HMCN1: variants seen among roughly 807,000 people sequenced by gnomAD.
The protein encoded by HMCN1 is hemicentin 1.
Under a neutral mutation model 625.9 loss-of-function variants are expected in HMCN1, and 321 were observed. The ratio of observed to expected loss-of-function variants is 0.51; its 90% CI spans 0.47 to 0.56. The LOEUF is 0.56. HMCN1 is among the 20% of genes least tolerant of loss of function. The pLI is 0.00. For synonymous variants in HMCN1, 2,425 were observed against 2,417.6 expected (o/e 1.00, Z -0.09); for missense variants, 6,588 against 6,887.3 (o/e 0.96, Z 1.54).
chr1:186,047,884 TTC>T (rs1656679430), intron 41 of HMCN1, among the ~76,000 whole-genome samples: 1 of 152,262 alleles, frequency 6.6e-6, no homozygotes, highest in South Asian at 2.1e-4. Flanking sequence ...ATTGACTGGC[TTC>T]TGTGTACCCC....
chr1:185,991,697 GTTTA>G (rs1037515080), intron 22 of HMCN1, among the ~76,000 whole-genome samples: 13 of 148,008 alleles, frequency 8.8e-5, no homozygotes, highest in African/African-American at 2.3e-4. Context: ...ATTCTGGTTT[GTTTA>G]TTCTTTTTTT....
chr1:186,130,060 C>A lies in HMCN1; in HGVS notation c.12999C>A (p.Ser4333Arg). Residue 4333 changes from serine (S) to arginine (R), a missense_variant, in exon 84 of 107, where the codon AGC (serine) becomes AGA (arginine). Ser to Arg is a moderately radical substitution (Grantham distance 110). Around this residue, in one of 3 missense-constraint regions of HMCN1, gnomAD observed 1,954 missense variants for 2,013.1 expected, o/e 0.97. Coordinates refer to ENST00000271588, the MANE Select transcript of HMCN1 (RefSeq NM_031935.3). ...SGTYVCTAEN[S>R]VGFVKAIGFV... The stretch of plus-strand genomic sequence containing the variant: ...CTTATGTGTGCACCGCAGAGAACAG[C>A]GTTGGCTTTGTGAAGGCAATTGGAT... The A allele has an allele frequency of 6.2e-7, 1 of 1,613,196 alleles. No homozygotes were observed. The highest frequency in any genetic ancestry group is 8.5e-7 in the Non-Finnish European group (1 of 1,179,408).
chr1:185,980,964 G>A lies in HMCN1; in HGVS notation c.2567-14G>A, dbSNP rs199647060. Reference sequence around the variant, plus strand: ...TAGATGGTATTGGATGAGTAAATGAGTTCTTCCTTTTAGACTTATGGGCAA... The same window carrying A: ...TAGATGGTATTGGATGAGTAAATGAATTCTTCCTTTTAGACTTATGGGCAA... On this transcript the variant is annotated splice_polypyrimidine_tract_variant and intron_variant, in intron 16 of 106. Transcript: ENST00000271588. The A allele has an allele frequency of 5.6e-5, 84 of 1,494,092 alleles. 1 individual carries two copies. Among genetic ancestry groups the A allele is most frequent in the South Asian group, 1.1e-4 (10 of 88,666 alleles). The allele number at this position is 1,494,092 out of a possible 1,614,324, so 92.6% of individuals were successfully genotyped here. A position where few individuals can be genotyped will look rare whatever the true frequency, so the allele number is the denominator to read the frequency against.
At chr1:185,839,775 A>G (rs1166196989) in intron 1 of HMCN1, among the ~76,000 whole-genome samples, 1 of 152,218 alleles carries the variant, frequency 6.6e-6, no homozygotes, top group Non-Finnish European at 1.5e-5. Context: ...TCAGCAGTAC[A>G]TGAAGTGAAA....
At chr1:186,142,232 A>C (rs1235046952) in intron 89 of HMCN1, among the ~76,000 whole-genome samples, 1 of 152,016 alleles carries the variant, frequency 6.6e-6, no homozygotes, top group Non-Finnish European at 1.5e-5. Context: ...TTTAGCTCCC[A>C]TTTATAAGTG....
At chr1:186,126,765 T>C (rs140765462) in intron 82 of HMCN1, among the ~76,000 whole-genome samples, 102 of 152,292 alleles carry the variant, frequency 6.7e-4, no homozygotes, top group African/African-American at 2.3e-3. Flanking sequence ...CCAAATCATG[T>C]CGGGTCTTAC....
At chr1:185,921,576 G>A (rs1353145887) in intron 6 of HMCN1, among the ~76,000 whole-genome samples, 4 of 152,060 alleles carry the variant, frequency 2.6e-5, no homozygotes, top group African/African-American at 9.7e-5. Context: ...ACCTCAATAT[G>A]TGCCTTCTCA....
intron 1 of HMCN1, among the ~76,000 whole-genome samples, chr1:185,758,164 T>A (rs1046997749): frequency 6.6e-6 from 1 of 152,250 alleles, no homozygotes; most frequent in Non-Finnish European, 1.5e-5. Context: ...GTCTTCAACA[T>A]GCCCATGCCA....
Position 186,144,599 on chromosome 1 carries a change from G to C in HMCN1, c.14162G>C (p.Arg4721Thr), listed in dbSNP as rs200402956. The C allele has an allele frequency of 9.9e-6, 16 of 1,614,138 alleles. No homozygotes were observed. The East Asian group carries it at 3.1e-4, about 31-fold the overall frequency. The part of the protein sequence containing the change: ...ACSVSCGGGA[R>T]QRTRGCSDPV... Reference sequence around the variant, plus strand: ...TCTGTGTCATGTGGAGGAGGTGCCAGACAGAGAACAAGGGGCTGCTCCGAC... The same window carrying C: ...TCTGTGTCATGTGGAGGAGGTGCCACACAGAGAACAAGGGGCTGCTCCGAC... The change falls in exon 91 of 107, where the codon AGA (arginine) becomes ACA (threonine). Residue 4721 changes from arginine (R) to threonine (T), a missense_variant. Physicochemically the swap from Arg to Thr is moderately conservative, Grantham distance 71. Transcript: ENST00000271588.
intron 30 of HMCN1, among the ~76,000 whole-genome samples, chr1:186,012,401 AT>A (rs922432767): frequency 5.6e-4 from 83 of 147,876 alleles, no homozygotes; most frequent in East Asian, 3.0e-3. Flanking sequence ...TTTTTTTGGT[AT>A]TTTTTTTTTG....
At chr1:185,814,170 C>A (rs1310618057) in intron 1 of HMCN1, among the ~76,000 whole-genome samples, 1 of 152,100 alleles carries the variant, frequency 6.6e-6, no homozygotes, top group African/African-American at 2.4e-5. Flanking sequence ...ATAGAAGAGG[C>A]CTTCACAATC....
chr1:185,922,686 C>A (rs1667061961), intron 7 of HMCN1, among the ~76,000 whole-genome samples, 187 bp downstream of exon 7: 1 of 152,160 alleles, frequency 6.6e-6, no homozygotes, highest in Admixed American at 6.5e-5. Context: ...ATATAAAAAT[C>A]ACTCAGGATG....
At chr1:186,171,304 AG>A in intron 100 of HMCN1, 32 bp from the exon 101 acceptor site, 2 of 1,433,290 alleles carry the variant, frequency 1.4e-6, no homozygotes, top group Non-Finnish European at 2.0e-6. Flanking sequence ...GTTTCCTAAT[AG>A]CATATAATGA....
chr1:185,980,820 C>T (rs1426088921), intron 16 of HMCN1, among the ~76,000 whole-genome samples, 158 bp from the exon 17 acceptor site: 2 of 152,200 alleles, frequency 1.3e-5, no homozygotes, highest in Non-Finnish European at 2.9e-5. Context: ...TTTGTTAGCA[C>T]TTATTTCACT....
At chr1:186,078,363 T>C (rs1276940529) in intron 55 of HMCN1, 143 bp downstream of exon 55, 9 of 680,832 alleles carry the variant, frequency 1.3e-5, no homozygotes, top group Non-Finnish European at 1.3e-5. Flanking sequence ...GGTAATTATC[T>C]TCTACAAATT....
chr1:186,050,832 G>A (rs1451479619), intron 42 of HMCN1, among the ~76,000 whole-genome samples: 1 of 152,088 alleles, frequency 6.6e-6, no homozygotes, highest in Non-Finnish European at 1.5e-5. Context: ...AGAGCAATTA[G>A]TGAGAAAGAC....
chr1:185,820,530 G>A (rs78051256), intron 1 of HMCN1, among the ~76,000 whole-genome samples: 4,904 of 152,172 alleles, frequency 0.032, 236 homozygotes, highest in African/African-American at 0.11. Context: ...GAAAGACATG[G>A]TTCCTAGTGA....
At chr1:186,076,314 T>A in intron 53 of HMCN1, 114 bp from the exon 54 acceptor site, 1 of 1,084,490 alleles carries the variant, frequency 9.2e-7, no homozygotes, top group Non-Finnish European at 1.4e-6. Context: ...GTACTTGAAA[T>A]TATTTCCACA....
chr1:186,045,939 A>G, intron 41 of HMCN1, 76 bp downstream of exon 41: 2 of 1,040,524 alleles, frequency 1.9e-6, no homozygotes, highest in Non-Finnish European at 3.0e-6. Flanking sequence ...ATTTAGCGTG[A>G]CTGTCTTTTA....
Sources: allele counts gnomAD v4.1 joint callset (sites outside exome capture counted in the v4.1 genomes callset), GRCh38; gene constraint gnomAD v4.1.1; regional missense constraint gnomAD v4.1.1; transcripts MANE v1.5; gene names NCBI Gene and HGNC (gene_info 2026-07-23, HGNC 2026-07-21).